FOXP1: variants seen among roughly 807,000 people sequenced by gnomAD.
FOXP1 encodes forkhead box P1.
A neutral mutation model predicts 98.2 loss-of-function variants in FOXP1; 15 were observed. The ratio of observed to expected loss-of-function variants is 0.15; its 90% CI spans 0.10 to 0.24. The LOEUF (loss-of-function observed/expected upper bound fraction) is 0.24. Ranked by LOEUF, FOXP1 falls within the 10% of genes least tolerant of loss-of-function variation. The pLI is 1.00. For missense variants in FOXP1, 633 were observed against 848.5 expected (o/e 0.75, Z 3.15); for synonymous variants, 371 against 314.5 (o/e 1.18, Z -1.90).
At chr3:71,326,933 T>C (rs372607396) in intron 4 of FOXP1, among the ~76,000 whole-genome samples, 2 of 152,162 alleles carry the variant, frequency 1.3e-5, no homozygotes, top group African/African-American at 4.8e-5. Context: ...GAGAAATGTG[T>C]ACCAGGCACA....
chr3:71,221,190 A>C lies in FOXP1; in HGVS notation c.-11-22798T>G, dbSNP rs1053032152. ...AGCTGCATTAGATTCTCATAGGAGC[A>C]GGAACCCTATTGTGAAACGTGCATG... On this transcript the variant is annotated intron_variant, in intron 5 of 20. Coordinates refer to ENST00000649528, the MANE Select transcript of FOXP1 (RefSeq NM_001349338.3). Among the ~76,000 whole-genome samples, 12 of 152,210 alleles carry C rather than the reference A, an allele frequency of 7.9e-5. No homozygotes were observed. In the East Asian group the frequency reaches 2.3e-3, roughly 29 times the overall value.
intron 2 of FOXP1, among the ~76,000 whole-genome samples, chr3:71,561,152 G>C (rs2046501726): frequency 1.3e-5 from 2 of 152,148 alleles, no homozygotes; most frequent in Middle Eastern, 6.8e-3. Context: ...CGACTCCCAG[G>C]TTCAAGTGAT....
chr3:71,302,072 C>T (rs1180898151), intron 4 of FOXP1, among the ~76,000 whole-genome samples: 1 of 152,156 alleles, frequency 6.6e-6, no homozygotes, highest in African/African-American at 2.4e-5. Flanking sequence ...TTTGAAGTTC[C>T]ATAAATTTTG....
intron 2 of FOXP1, among the ~76,000 whole-genome samples, chr3:71,557,766 A>G (rs1211995187): frequency 1.3e-5 from 2 of 152,188 alleles, no homozygotes; most frequent in African/African-American, 2.4e-5. Flanking sequence ...GGCTTTGCCC[A>G]TGCTTCCCCA....
At chr3:71,099,628 C>T (rs2056785625) in intron 7 of FOXP1, among the ~76,000 whole-genome samples, 2 of 152,168 alleles carry the variant, frequency 1.3e-5, no homozygotes. Context: ...GGTGAGGTTA[C>T]CAGCCACATT....
At chr3:71,362,754 G>A (rs2078659538) in intron 3 of FOXP1, among the ~76,000 whole-genome samples, 1 of 152,218 alleles carries the variant, frequency 6.6e-6, no homozygotes, top group Non-Finnish European at 1.5e-5. Flanking sequence ...ACAGGCATAA[G>A]CCATCATGCC....
intron 4 of FOXP1, among the ~76,000 whole-genome samples, chr3:71,357,636 A>C (rs946558176): frequency 2.0e-5 from 3 of 152,188 alleles, no homozygotes; most frequent in African/African-American, 7.2e-5. Context: ...ATAGGATGTA[A>C]GCAGGCATCA....
At chr3:71,181,676 A>G (rs2062303555) in intron 6 of FOXP1, among the ~76,000 whole-genome samples, 1 of 152,214 alleles carries the variant, frequency 6.6e-6, no homozygotes, top group Admixed American at 6.5e-5. Flanking sequence ...GACATGCGAC[A>G]TGATTAAGCC....
chr3:71,229,760 T>C (rs778415220), intron 5 of FOXP1, among the ~76,000 whole-genome samples: 6 of 152,204 alleles, frequency 3.9e-5, no homozygotes, highest in Admixed American at 6.5e-5. Context: ...ACGCCGGAAG[T>C]TGGATCAGCT....
chr3:71,582,503 G>C (rs1404222738), intron 1 of FOXP1: 1 of 985,354 alleles, frequency 1.0e-6, no homozygotes, highest in Non-Finnish European at 1.2e-6. Flanking sequence ...GCAAGCGAGG[G>C]ACGGAGAGCC....
intron 7 of FOXP1, among the ~76,000 whole-genome samples, chr3:71,089,658 A>C (rs1440186496): frequency 6.6e-6 from 1 of 152,214 alleles, no homozygotes; most frequent in Non-Finnish European, 1.5e-5. Context: ...TACTACCCAC[A>C]GTCCTAGTTA....
chr3:71,009,376 G>A (rs751350264), intron 12 of FOXP1, among the ~76,000 whole-genome samples: 2 of 152,020 alleles, frequency 1.3e-5, no homozygotes, highest in African/African-American at 2.4e-5. Flanking sequence ...CATGGTCAAC[G>A]GCTGCTTTTG....
chr3:71,322,929 A>G (rs2075476708), intron 4 of FOXP1, among the ~76,000 whole-genome samples: 2 of 152,008 alleles, frequency 1.3e-5, no homozygotes, highest in Admixed American at 6.6e-5. Flanking sequence ...CCTTGCCCCA[A>G]ATGCATTAAA....
intron 11 of FOXP1, among the ~76,000 whole-genome samples, chr3:71,039,740 T>C (rs926707166): frequency 2.0e-5 from 3 of 149,980 alleles, no homozygotes; most frequent in African/African-American, 4.9e-5. Context: ...TAATGCTCTC[T>C]AAGGTTTTCT....
At chr3:71,106,941 G>A (rs1226546579) in intron 7 of FOXP1, among the ~76,000 whole-genome samples, 1 of 151,782 alleles carries the variant, frequency 6.6e-6, no homozygotes, top group Non-Finnish European at 1.5e-5. Context: ...TAATATTTTT[G>A]TATTATTCAC....
At chr3:71,134,534 C>G (rs763290038) in intron 6 of FOXP1, among the ~76,000 whole-genome samples, 1 of 152,088 alleles carries the variant, frequency 6.6e-6, no homozygotes, top group East Asian at 1.9e-4. Flanking sequence ...CAAGGAAATA[C>G]TGCCAAACAG....
chr3:71,547,243 CTG>C (rs528444980), intron 2 of FOXP1, among the ~76,000 whole-genome samples: 70 of 152,300 alleles, frequency 4.6e-4, no homozygotes, highest in African/African-American at 1.5e-3. Flanking sequence ...CATTTTAACA[CTG>C]TGAGGGGTCT....
intron 2 of FOXP1, among the ~76,000 whole-genome samples, chr3:71,528,371 T>C (rs1387222700): frequency 6.6e-6 from 1 of 152,238 alleles, no homozygotes; most frequent in African/African-American, 2.4e-5. Flanking sequence ...AACAGGCACT[T>C]AACTAATTTT....
chr3:71,328,971 C>G (rs115672674), intron 4 of FOXP1, among the ~76,000 whole-genome samples: 8 of 68,000 alleles, frequency 1.2e-4, no homozygotes, highest in Non-Finnish European at 2.1e-4. Flanking sequence ...AACTCCATCT[C>G]GCTAAAAAAA....
Sources: gnomAD v4.1 joint callset for allele counts (sites outside exome capture counted in the v4.1 genomes callset) on GRCh38, gnomAD v4.1.1 for gene constraint, MANE v1.5 for transcripts, NCBI Gene and HGNC (gene_info 2026-07-23, HGNC 2026-07-21) for gene names.